CLVS1: variants seen among roughly 807,000 people sequenced by gnomAD.
CLVS1 encodes clavesin-1.
Under a neutral mutation model 33.1 loss-of-function variants are expected in CLVS1, and 10 were observed. That is an observed-to-expected ratio of 0.30 (90% CI 0.19 to 0.51). CLVS1 has a LOEUF of 0.51. Ranked by LOEUF, CLVS1 falls within the 20% of genes least tolerant of loss-of-function variation. CLVS1 has a pLI of 0.97. For synonymous variants in CLVS1, 163 were observed against 166.1 expected, an observed-to-expected ratio of 0.98 and a Z score of 0.14; for missense variants, 343 against 433.4, an observed-to-expected ratio of 0.79 and a Z score of 1.85.
chr8:61,493,912 G>A (rs1278668107), intron 5 of CLVS1, among the ~76,000 whole-genome samples: 6 of 152,188 alleles, frequency 3.9e-5, no homozygotes, highest in Non-Finnish European at 8.8e-5. Context: ...GGTGCTCTAT[G>A]ACTCTTGGTG....
At chr8:61,002,001 C>T in the CLVS1 span, among the ~76,000 whole-genome samples, 469 of 151,650 alleles carry the variant, frequency 3.1e-3, 3 homozygotes, top group African/African-American at 0.011. Context: ...TTTTTTGAGA[C>T]AGGGTCTTGC....
At chr8:61,484,355 A>G (rs1803789192) in intron 5 of CLVS1, among the ~76,000 whole-genome samples, 1 of 152,206 alleles carries the variant, frequency 6.6e-6, no homozygotes, top group Non-Finnish European at 1.5e-5. Context: ...TGCTTCAAAG[A>G]GAATAAAATA....
At chr8:61,102,094 A>T (rs1805461189) in intron 1 of CLVS1, among the ~76,000 whole-genome samples, 1 of 152,130 alleles carries the variant, frequency 6.6e-6, no homozygotes, top group South Asian at 2.1e-4. Flanking sequence ...GAATTTTCAT[A>T]TAAATTTTGG....
intron 2 of CLVS1, among the ~76,000 whole-genome samples, chr8:61,360,441 C>CAATA (rs796297058): frequency 1.9e-4 from 28 of 145,286 alleles, no homozygotes; most frequent in African/African-American, 6.9e-4. Context: ...ACAGAATTGC[C>CAATA]AATCAATCAA....
At chr8:61,253,022 T>C (rs1257797880) in intron 2 of CLVS1, among the ~76,000 whole-genome samples, 1 of 152,242 alleles carries the variant, frequency 6.6e-6, no homozygotes, top group Non-Finnish European at 1.5e-5. Context: ...GCCTCAATGG[T>C]CTTTACAATT....
Position 61,299,822 on chromosome 8 carries a change from A to G in CLVS1, c.-6A>G. The G allele has an allele frequency of 6.3e-7, 1 of 1,598,300 alleles. No individual in the cohort carries two copies. On this transcript the variant is annotated 5_prime_UTR_variant, in exon 2 of 6. Coordinates refer to ENST00000325897, the MANE Select transcript of CLVS1 (RefSeq NM_173519.3). ...TGGGCCACAGTTTCAGCAGACCATC[A>G]GGTGAATGGGACCAGTCTCTCTTCT...
At chr8:61,047,970 C>A in the CLVS1 span, among the ~76,000 whole-genome samples, 1 of 151,982 alleles carries the variant, frequency 6.6e-6, no homozygotes, top group Non-Finnish European at 1.5e-5. Context: ...AATTCATCAT[C>A]CATTAATGAC....
At chr8:61,102,921 A>G (rs1218741934) in intron 1 of CLVS1, among the ~76,000 whole-genome samples, 1 of 152,200 alleles carries the variant, frequency 6.6e-6, no homozygotes. Context: ...CCTGAGCTCT[A>G]TGAAGGCAGT....
intron 3 of CLVS1, among the ~76,000 whole-genome samples, chr8:61,394,897 C>T (rs1302863764): frequency 6.6e-6 from 1 of 152,296 alleles, no homozygotes; most frequent in East Asian, 1.9e-4. Context: ...GGTAATATCT[C>T]ATTGTGGTTT....
At chr8:61,266,912 A>G (rs973486598) in intron 2 of CLVS1, among the ~76,000 whole-genome samples, 1 of 152,210 alleles carries the variant, frequency 6.6e-6, no homozygotes, top group African/African-American at 2.4e-5. Context: ...TTTTTTGTCA[A>G]CCCGTATGCC....
At chr8:60,971,834 C>T in the CLVS1 span, among the ~76,000 whole-genome samples, 44 of 152,280 alleles carry the variant, frequency 2.9e-4, no homozygotes, top group African/African-American at 9.9e-4. Flanking sequence ...AGGAAGTATA[C>T]ATCACCCCCA....
intron 2 of CLVS1, among the ~76,000 whole-genome samples, chr8:61,200,526 G>A (rs1051944691): frequency 2.0e-5 from 3 of 152,202 alleles, no homozygotes; most frequent in African/African-American, 7.2e-5. Context: ...TGTTAAAAAT[G>A]TTTTATTAAT....
At chr8:61,330,432 A>G (rs1055081678) in intron 2 of CLVS1, among the ~76,000 whole-genome samples, 1 of 152,208 alleles carries the variant, frequency 6.6e-6, no homozygotes, top group African/African-American at 2.4e-5. Flanking sequence ...GTTAGAAAAT[A>G]CATGCCCCAT....
At chr8:61,446,945 A>G (rs2129606592) in intron 3 of CLVS1, among the ~76,000 whole-genome samples, 1 of 152,262 alleles carries the variant, frequency 6.6e-6, no homozygotes, top group African/African-American at 2.4e-5. Context: ...CATTATAAAC[A>G]GAATAATCTG....
chr8:61,080,592 C>A (rs1585594857), intron 1 of CLVS1, among the ~76,000 whole-genome samples: 1 of 152,260 alleles, frequency 6.6e-6, no homozygotes, highest in East Asian at 1.9e-4. Flanking sequence ...TGGGCTAAAA[C>A]CCACGGATTG....
intron 2 of CLVS1, among the ~76,000 whole-genome samples, chr8:61,173,943 A>G (rs1807060472): frequency 6.6e-6 from 1 of 152,218 alleles, no homozygotes; most frequent in Non-Finnish European, 1.5e-5. Context: ...GTTAAACTGG[A>G]AAATGACAAG....
chr8:61,347,765 A>T (rs976348497), intron 2 of CLVS1, among the ~76,000 whole-genome samples: 2 of 147,734 alleles, frequency 1.4e-5, no homozygotes, highest in African/African-American at 5.0e-5. Context: ...TGACATACTG[A>T]TTTCATATCC....
At chr8:61,094,712 A>G (rs770829421) in intron 1 of CLVS1, among the ~76,000 whole-genome samples, 1 of 152,214 alleles carries the variant, frequency 6.6e-6, no homozygotes, top group Non-Finnish European at 1.5e-5. Flanking sequence ...ACACAAACCA[A>G]GGGAAGTTCT....
chr8:61,436,786 G>A (rs1816345057), intron 3 of CLVS1, among the ~76,000 whole-genome samples: 1 of 152,142 alleles, frequency 6.6e-6, no homozygotes, highest in South Asian at 2.1e-4. Context: ...ACTCCTGTAG[G>A]GGTGCAGGAA....
Sources: gnomAD v4.1 joint callset for allele counts (sites outside exome capture counted in the v4.1 genomes callset) on GRCh38, gnomAD v4.1.1 for gene constraint, MANE v1.5 for transcripts, NCBI Gene and HGNC (gene_info 2026-07-23, HGNC 2026-07-21) for gene names.